Variants in RBFOX1 observed in about 807,000 individuals in gnomAD.
The protein encoded by RBFOX1 is RNA binding protein fox-1 homolog 1.
RBFOX1 carries 8 observed loss-of-function variants against 57.7 expected under a neutral mutation model. The observed-to-expected ratio is 0.14, with a 90% CI of 0.08 to 0.25. RBFOX1 has a LOEUF of 0.25. Ranked by LOEUF, RBFOX1 falls within the 10% of genes least tolerant of loss-of-function variation. RBFOX1 has a pLI of 1.00. For synonymous variants in RBFOX1, 326 were observed against 222.4 expected (o/e 1.47, Z -4.15); for missense variants, 611 against 548.5 (o/e 1.11, Z -1.14).
chr16:6,955,348 G>GCACACACACACA (rs34550051), intron 3 of RBFOX1, among the ~76,000 whole-genome samples: 14 of 150,230 alleles, frequency 9.3e-5, no homozygotes, highest in African/African-American at 2.2e-4. Context: ...CCCCACATAT[G>GCACACACACACA]CACACACACA....
intron 1 of RBFOX1, among the ~76,000 whole-genome samples, chr16:6,087,734 C>T (rs2096109329): frequency 6.6e-6 from 1 of 151,804 alleles, no homozygotes; most frequent in African/African-American, 2.4e-5. Context: ...CTCACTGCAC[C>T]CTGTGTCTCC....
chr16:6,490,468 G>C (rs2095607066), intron 2 of RBFOX1, among the ~76,000 whole-genome samples: 2 of 152,186 alleles, frequency 1.3e-5, no homozygotes, highest in Non-Finnish European at 1.5e-5. Flanking sequence ...ATACAGGTCT[G>C]ACAGGCGTCC....
At chr16:5,317,632 A>G (rs2064279451) in intron 1 of RBFOX1, among the ~76,000 whole-genome samples, 1 of 152,084 alleles carries the variant, frequency 6.6e-6, no homozygotes, top group Non-Finnish European at 1.5e-5. Context: ...AAAAAAAGCG[A>G]ACAAAAAGAA....
chr16:7,438,201 A>G (rs1344526238), intron 4 of RBFOX1, among the ~76,000 whole-genome samples: 1 of 152,226 alleles, frequency 6.6e-6, no homozygotes, highest in Non-Finnish European at 1.5e-5. Context: ...TTTACTAACC[A>G]GGGTACAGTG....
chr16:6,095,207 C>G (rs576614882), intron 1 of RBFOX1, among the ~76,000 whole-genome samples: 1 of 152,258 alleles, frequency 6.6e-6, no homozygotes, highest in South Asian at 2.1e-4. Context: ...TTTAAATAAA[C>G]AGGTGGATTT....
intron 2 of RBFOX1, among the ~76,000 whole-genome samples, chr16:6,435,384 T>C (rs963608250): frequency 6.6e-6 from 1 of 151,830 alleles, no homozygotes; most frequent in Non-Finnish European, 1.5e-5. Flanking sequence ...CACTGCAGCC[T>C]CTGCCTCCCG....
intron 3 of RBFOX1, among the ~76,000 whole-genome samples, chr16:6,861,940 A>G (rs2059099702): frequency 6.6e-6 from 1 of 150,902 alleles, no homozygotes; most frequent in Admixed American, 6.6e-5. Flanking sequence ...GGGTCTGCAA[A>G]CAGAACTGGT....
At chr16:6,654,713 A>C in intron 3 of RBFOX1, 63 bp downstream of exon 3, 1 of 1,266,126 alleles carries the variant, frequency 7.9e-7, no homozygotes, top group South Asian at 1.5e-5. Context: ...AATTGAACCC[A>C]GGTGTTTAAG....
At chr16:6,238,356 C>T (rs1047376223) in intron 1 of RBFOX1, among the ~76,000 whole-genome samples, 10 of 152,112 alleles carry the variant, frequency 6.6e-5, no homozygotes, top group Non-Finnish European at 8.8e-5. Flanking sequence ...ACATTACAGG[C>T]GCCCAGCAGC....
At chr16:7,514,380 T>C (rs561619714) in intron 4 of RBFOX1, among the ~76,000 whole-genome samples, 5 of 152,286 alleles carry the variant, frequency 3.3e-5, no homozygotes, top group East Asian at 3.9e-4. Flanking sequence ...CCAGCACATA[T>C]TCACTTGGCA....
intron 1 of RBFOX1, among the ~76,000 whole-genome samples, chr16:6,046,803 A>G (rs1038268822): frequency 6.6e-6 from 1 of 152,186 alleles, no homozygotes. Context: ...AGTCAGTGTG[A>G]TTTGAAATGA....
At chr16:5,753,294 T>C (rs1383334759) in intron 3 of RBFOX1, among the ~76,000 whole-genome samples, 1 of 152,164 alleles carries the variant, frequency 6.6e-6, no homozygotes, top group Non-Finnish European at 1.5e-5. Flanking sequence ...TGCCATTACA[T>C]AGAACACTTA....
chr16:5,967,270 T>G (rs1313558732), intron 4 of RBFOX1, among the ~76,000 whole-genome samples: 2 of 152,182 alleles, frequency 1.3e-5, no homozygotes, highest in Admixed American at 6.6e-5. Context: ...TGAGCATATA[T>G]CAATCTATGA....
intron 2 of RBFOX1, among the ~76,000 whole-genome samples, chr16:6,587,255 C>G (rs943660838): frequency 6.6e-6 from 1 of 151,692 alleles, no homozygotes; most frequent in Non-Finnish European, 1.5e-5. Context: ...ATTCCACATA[C>G]AAATGAGATA....
chr16:5,902,259 G>T (rs1162061246), intron 4 of RBFOX1, among the ~76,000 whole-genome samples: 2 of 152,122 alleles, frequency 1.3e-5, no homozygotes, highest in African/African-American at 4.8e-5. Context: ...GAGGCTTAGA[G>T]AAATTCTGCA....
chr16:5,403,139 T>C (rs2066761645), intron 1 of RBFOX1, among the ~76,000 whole-genome samples: 1 of 151,670 alleles, frequency 6.6e-6, no homozygotes, highest in Non-Finnish European at 1.5e-5. Flanking sequence ...TCACCTGAGG[T>C]TGGGAGTTCC....
chr16:5,741,286 C>T (rs575796259), intron 3 of RBFOX1, among the ~76,000 whole-genome samples: 8 of 152,304 alleles, frequency 5.3e-5, no homozygotes, highest in South Asian at 2.1e-4. Flanking sequence ...GTCATAAGGC[C>T]GCAAGCCCAT....
chr16:6,909,419 G>C (rs2070969414), intron 3 of RBFOX1, among the ~76,000 whole-genome samples: 1 of 152,142 alleles, frequency 6.6e-6, no homozygotes, highest in Non-Finnish European at 1.5e-5. Flanking sequence ...ATCTGCCAAG[G>C]TTCTTTTGCC....
chr16:6,668,219 G>T (rs1219530836), intron 3 of RBFOX1, among the ~76,000 whole-genome samples: 1 of 152,186 alleles, frequency 6.6e-6, no homozygotes, highest in East Asian at 1.9e-4. Flanking sequence ...CATATTGATT[G>T]TGGCGGCACA....
Sources: gnomAD v4.1 joint callset for allele counts (sites outside exome capture counted in the v4.1 genomes callset) on GRCh38, gnomAD v4.1.1 for gene constraint, MANE v1.5 for transcripts, NCBI Gene and HGNC (gene_info 2026-07-23, HGNC 2026-07-21) for gene names.